Variants in AKNA observed in about 807,000 individuals in gnomAD.
AKNA encodes AT-hook transcription factor.
In AKNA, 67 loss-of-function variants were observed where a neutral mutation model predicts 138.8. That is an observed-to-expected ratio of 0.48 (90% CI 0.40 to 0.59). AKNA has a LOEUF of 0.59. AKNA is among the 20% of genes least tolerant of loss of function. The pLI is 0.00. For missense variants in AKNA, 1,813 were observed against 1,880.4 expected, an observed-to-expected ratio of 0.96 and a Z score of 0.66; for synonymous variants, 737 against 754.4, an observed-to-expected ratio of 0.98 and a Z score of 0.38.
intron 3 of AKNA, among the ~76,000 whole-genome samples, chr9:114,375,164 A>T (rs1833077855): frequency 6.6e-6 from 1 of 152,158 alleles, no homozygotes; most frequent in South Asian, 2.1e-4. Context: ...CAGACCACCA[A>T]AGCCTCTAGC....
At chr9:114,378,762 C>T (rs560727068) in intron 2 of AKNA, among the ~76,000 whole-genome samples, 5 of 152,352 alleles carry the variant, frequency 3.3e-5, no homozygotes, top group Admixed American at 3.3e-4. Context: ...CATCACCCAC[C>T]TGTCCATTCA....
At chr9:114,386,378 G>A (rs556133051) in intron 1 of AKNA, among the ~76,000 whole-genome samples, 2 of 152,336 alleles carry the variant, frequency 1.3e-5, no homozygotes, top group South Asian at 2.1e-4. Context: ...TCCAGGCAGC[G>A]GGAACAGCAC....
At chr9:114,386,491 C>T (rs897843442) in intron 1 of AKNA, among the ~76,000 whole-genome samples, 24 of 152,136 alleles carry the variant, frequency 1.6e-4, no homozygotes, top group African/African-American at 5.8e-4. Flanking sequence ...TTCCAGCCAG[C>T]CCTCGTTAGG....
chr9:114,372,278 C>T (rs796159789), intron 4 of AKNA, among the ~76,000 whole-genome samples: 10 of 152,090 alleles, frequency 6.6e-5, no homozygotes, highest in African/African-American at 2.4e-4. Flanking sequence ...CCTGTGACAC[C>T]CTCACACACA....
chr9:114,354,317 C>T (rs1323130886), intron 14 of AKNA, among the ~76,000 whole-genome samples: 1 of 152,110 alleles, frequency 6.6e-6, no homozygotes, highest in Non-Finnish European at 1.5e-5. Context: ...TGTCTTCTAC[C>T]TCCACATCTT....
At chr9:114,397,373 T>C (rs1834565502), upstream of AKNA, among the ~76,000 whole-genome samples, 2 of 152,220 alleles carry the variant, frequency 1.3e-5, no homozygotes, top group South Asian at 4.1e-4. Context: ...CCTGTATGTA[T>C]CTAACTTTAG....
intron 7 of AKNA, among the ~76,000 whole-genome samples, chr9:114,362,822 T>G (rs1240985410): frequency 1.3e-5 from 2 of 152,204 alleles, no homozygotes; most frequent in Non-Finnish European, 2.9e-5. Flanking sequence ...AGGACCCCAA[T>G]GTACCACAAA....
At chr9:114,397,588 C>G (rs952347252), upstream of AKNA, among the ~76,000 whole-genome samples, 2 of 152,168 alleles carry the variant, frequency 1.3e-5, no homozygotes, top group African/African-American at 2.4e-5. Context: ...TTTCTTTCAA[C>G]AAAAGCCCGG....
Position 114,341,738 on chromosome 9 carries a change from G to C in AKNA, c.3875-13C>G. On this transcript the variant is annotated splice_polypyrimidine_tract_variant and intron_variant, in intron 20 of 21. Transcript: ENST00000374088. Reference sequence around the variant, plus strand: ...GCCTTCTCTGCCCCTATCAGGGAGGGAACAGCACAGAGAGACAGAGTCTGA... The same window carrying C: ...GCCTTCTCTGCCCCTATCAGGGAGGCAACAGCACAGAGAGACAGAGTCTGA... 1 of 1,548,962 alleles carries C rather than the reference G, an allele frequency of 6.5e-7. No individual in the cohort carries two copies. The highest frequency in any genetic ancestry group is 8.7e-7 in the Non-Finnish European group (1 of 1,152,234).
chr9:114,337,013 G>GCCACCCCCCCCC lies in AKNA; in HGVS notation c.*40_*41insGGGGGGGGGTGG. The GCCACCCCCCCCC allele has an allele frequency of 8.4e-7, 1 of 1,185,370 alleles. No individual in the cohort carries two copies. The highest frequency in any genetic ancestry group is 1.1e-6 in the Non-Finnish European group (1 of 921,704). The allele number at this position is 1,185,370 out of a possible 1,614,324, so 73.4% of individuals were successfully genotyped here. On this transcript the variant is annotated 3_prime_UTR_variant, in exon 22 of 22. Transcript: ENST00000374088. ...CCACTCCTGGCCTGGCAGGCCACCT[G>GCCACCCCCCCCC]CCCACCCACCCACCCATCTGCCTCT...
chr9:114,347,835 T>C lies in AKNA; in HGVS notation c.3287A>G (p.His1096Arg). The change falls in exon 16 of 22, where the codon CAC becomes CGC. Residue 1096 changes from histidine to arginine, a missense_variant. His to Arg is a conservative substitution (Grantham distance 29). Transcript: ENST00000374088. ...TGTCGGGCTGCCCTGGAGTGGCTGG[T>C]GCAGGCTGTCTTCCAGCCGCAGACG... Reference protein sequence around the residue: ...RLRLRLEDSLHQPLQGSPTRP... With the variant: ...RLRLRLEDSLRQPLQGSPTRP... The C allele has an allele frequency of 2.0e-6, 3 of 1,537,524 alleles. No individual in the cohort carries two copies. Among genetic ancestry groups the C allele is most frequent in the Non-Finnish European group, 2.6e-6 (3 of 1,141,868 alleles).
Position 114,346,716 on chromosome 9 carries a change from C to T in AKNA, c.3467G>A (p.Arg1156Gln), listed in dbSNP as rs757706175. 15 of 1,612,860 alleles carry T rather than the reference C, an allele frequency of 9.3e-6. No individual in the cohort carries two copies. The highest frequency in any genetic ancestry group is 1.6e-4 in the Middle Eastern group (1 of 6,084). Residue 1156 changes from arginine to glutamine, a missense_variant, in exon 17 of 22, where the codon CGA (arginine) becomes CAA (glutamine). Physicochemically the swap from Arg to Gln is conservative, Grantham distance 43 (BLOSUM62 1). Transcript: ENST00000374088. ...CCGAGGCACTGAGGAAGACCTGGCTCGCTGCCTTCCTGGAGGGACAATCTG... is the reference window on the plus strand; with the variant it reads ...CCGAGGCACTGAGGAAGACCTGGCTTGCTGCCTTCCTGGAGGGACAATCTG... ...EEQIVPPGRQ[R>Q]ARSSSVPREV...
intron 17 of AKNA, 135 bp from the exon 18 acceptor site, chr9:114,346,144 C>T (rs749043964): frequency 8.9e-6 from 8 of 894,546 alleles, no homozygotes; most frequent in Non-Finnish European, 1.0e-5. Flanking sequence ...TTAGGAGTAA[C>T]AGCTGGCATT....
intron 2 of AKNA, 64 bp from the exon 3 acceptor site, chr9:114,377,596 CT>C (rs1264614537): frequency 6.9e-7 from 1 of 1,456,436 alleles, no homozygotes; most frequent in African/African-American, 1.4e-5. Context: ...GTAACTTACC[CT>C]AAGTCACTTC....
chr9:114,351,458 G>A (rs1025408564), intron 14 of AKNA, among the ~76,000 whole-genome samples: 8 of 152,052 alleles, frequency 5.3e-5, no homozygotes, highest in African/African-American at 1.9e-4. Flanking sequence ...AACTTTTAAC[G>A]AATCTCCCAA....
chr9:114,346,790 A>G lies in AKNA; in HGVS notation c.3399-6T>C. 1 of 1,609,670 alleles carries G rather than the reference A, an allele frequency of 6.2e-7. No homozygotes were observed. Among genetic ancestry groups the G allele is most frequent in the South Asian group, 1.1e-5 (1 of 90,502 alleles). On this transcript the variant is annotated splice_region_variant and splice_polypyrimidine_tract_variant and intron_variant, in intron 16 of 21. Coordinates refer to ENST00000374088, the MANE Select transcript of AKNA (RefSeq NM_001317950.2). ...GCAATCTCTCTGTGGATTTACTAGC[A>G]AAAGGAAAGAGAGATGATGTCATTG... is the stretch of plus-strand genomic sequence containing the variant.
chr9:114,348,610 C>A (rs577619411), intron 15 of AKNA, among the ~76,000 whole-genome samples: 11 of 152,130 alleles, frequency 7.2e-5, no homozygotes, highest in African/African-American at 2.7e-4. Context: ...CTGGTGAAAC[C>A]CCCAACATGG....
intron 4 of AKNA, among the ~76,000 whole-genome samples, chr9:114,369,748 G>A (rs1204460212): frequency 6.6e-6 from 1 of 150,972 alleles, no homozygotes; most frequent in Non-Finnish European, 1.5e-5. Context: ...CATCATCACC[G>A]TCAGCACCAT....
chr9:114,368,172 G>T, intron 5 of AKNA: 1 of 367,930 alleles, frequency 2.7e-6, no homozygotes, highest in Admixed American at 4.6e-5. Context: ...GGGCTCCCCA[G>T]GGACAATGCT....
Sources: gnomAD v4.1 joint callset for allele counts (sites outside exome capture counted in the v4.1 genomes callset) on GRCh38, gnomAD v4.1.1 for gene constraint, MANE v1.5 for transcripts, NCBI Gene and HGNC (gene_info 2026-07-23, HGNC 2026-07-21) for gene names.